The following CCSER1 variants were observed in gnomAD, a reference collection of about 807,000 sequenced individuals.
CCSER1 encodes coiled-coil serine rich protein 1, also known as serine-rich coiled-coil domain-containing protein 1.
CCSER1 carries 41 observed loss-of-function variants against 82.0 expected under a neutral mutation model. The observed-to-expected ratio is 0.50, with a 90% confidence interval of 0.39 to 0.65. The LOEUF is 0.65. Among genes scored for constraint, CCSER1 ranks in the 30% least tolerant of loss-of-function variants. The pLI, the probability that CCSER1 is intolerant of heterozygous loss-of-function variation, is 0.00. For synonymous variants in CCSER1, 414 were observed against 383.9 expected (o/e 1.08, Z -0.92); for missense variants, 1,119 against 1,064.2 (o/e 1.05, Z -0.72).
chr4:90,244,222 T>C (rs1434171227), intron 1 of CCSER1, among the ~76,000 whole-genome samples: 1 of 152,162 alleles, frequency 6.6e-6, no homozygotes, highest in African/African-American at 2.4e-5. Flanking sequence ...AATTATGAGA[T>C]AGAGTTTTGC....
At position 90,628,109 on chromosome 4, in the gene CCSER1, G is replaced by T. The variant is rs369689377; in HGVS notation, c.1809G>T (p.Ala603=). 2 of 1,613,590 alleles carry T rather than the reference G, an allele frequency of 1.2e-6. No individual in the cohort carries two copies. The highest frequency in any genetic ancestry group is 1.7e-6 in the Non-Finnish European group (2 of 1,179,718). The change falls in exon 6 of 11, where the codon GCG becomes GCT. Residue 603 remains alanine, a synonymous_variant. Transcript: ENST00000509176. ...GCCGAATGCCCAACAGTCCATCTGC[G>T]GATTGGCCTCTACAAGGTGTGGAAG... ...HISRMPNSPS[A]DWPLQGVEEN...
intron 10 of CCSER1, among the ~76,000 whole-genome samples, chr4:91,591,824 A>G (rs772172126): frequency 2.0e-5 from 3 of 152,180 alleles, no homozygotes; most frequent in Admixed American, 2.0e-4. Context: ...CAGCCATACA[A>G]TATCTCCCTT....
At chr4:91,150,479 C>T (rs939495234) in intron 10 of CCSER1, among the ~76,000 whole-genome samples, 1 of 152,154 alleles carries the variant, frequency 6.6e-6, no homozygotes, top group African/African-American at 2.4e-5. Context: ...ATTTCTTTCT[C>T]CTGCCTGATT....
chr4:90,753,114 T>A (rs1002642653), intron 7 of CCSER1, among the ~76,000 whole-genome samples: 2 of 152,182 alleles, frequency 1.3e-5, no homozygotes, highest in Non-Finnish European at 2.9e-5. Flanking sequence ...TTAGAACTTC[T>A]GGCTTATATA....
chr4:90,558,360 G>A (rs910581412), intron 5 of CCSER1, among the ~76,000 whole-genome samples: 14 of 152,096 alleles, frequency 9.2e-5, no homozygotes, highest in African/African-American at 3.1e-4. Context: ...AACATTTTAT[G>A]TTTCAAAATC....
At chr4:90,731,954 G>T (rs186122298) in intron 7 of CCSER1, among the ~76,000 whole-genome samples, 271 of 152,052 alleles carry the variant, frequency 1.8e-3, no homozygotes, top group African/African-American at 6.4e-3. Flanking sequence ...AGGCTCAGGT[G>T]AGGTAGACTC....
Position 90,798,617 on chromosome 4 carries a change from T to A in CCSER1, c.2011-17145T>A, listed in dbSNP as rs191489025. 5.3e-5 allele frequency among the ~76,000 whole-genome samples: 8 copies of A among 152,322 alleles called. No individual in the cohort carries two copies. The East Asian group carries it at 1.5e-3, about 29-fold the overall frequency. On this transcript the variant is annotated intron_variant, in intron 7 of 10. Transcript: ENST00000509176. ...TTCATCTTTGTGGGCTTATCTACCT[T>A]CAGTGTTTGATATTGCTGACATTTG...
At chr4:90,855,920 ACATT>A (rs1463076759) in intron 8 of CCSER1, among the ~76,000 whole-genome samples, 1 of 152,130 alleles carries the variant, frequency 6.6e-6, no homozygotes, top group Non-Finnish European at 1.5e-5. Context: ...TTCATTTCAC[ACATT>A]CATTCATTCA....
At chr4:90,549,241 A>G (rs1016047506) in intron 5 of CCSER1, among the ~76,000 whole-genome samples, 1 of 152,224 alleles carries the variant, frequency 6.6e-6, no homozygotes, top group African/African-American at 2.4e-5. Flanking sequence ...CCTGTATCAT[A>G]ATATGAGAAC....
Position 90,468,244 on chromosome 4 carries a change from G to A in CCSER1, c.1614G>A (p.Glu538=). ...EQSLHPSVCR[E]DSYHSVVSCA... ...GGTTTTTTTGAACAGTTTGCCGGGA[G>A]GACTCATATCACTCTGTCGTCTCAT... Residue 538 remains glutamate (E), a synonymous_variant, in exon 5 of 11, where the codon GAG becomes GAA. Coordinates refer to ENST00000509176, the MANE Select transcript of CCSER1 (RefSeq NM_001145065.2). 1 of 1,595,926 alleles carries A rather than the reference G, an allele frequency of 6.3e-7. No individual in the cohort carries two copies. The highest frequency in any genetic ancestry group is 1.2e-5 in the South Asian group (1 of 86,802).
chr4:91,004,095 G>A (rs909071402), intron 9 of CCSER1, among the ~76,000 whole-genome samples: 2 of 152,176 alleles, frequency 1.3e-5, no homozygotes, highest in Non-Finnish European at 2.9e-5. Context: ...TCCTACAGGA[G>A]CAATCCACTT....
chr4:90,200,621 G>C (rs911302192), intron 1 of CCSER1, among the ~76,000 whole-genome samples: 1 of 151,930 alleles, frequency 6.6e-6, no homozygotes, highest in Non-Finnish European at 1.5e-5. Flanking sequence ...ATTTTCAGTA[G>C]CCTAAAAAAT....
intron 9 of CCSER1, among the ~76,000 whole-genome samples, chr4:91,004,351 C>T (rs534167981): frequency 1.3e-5 from 2 of 152,152 alleles, no homozygotes; most frequent in Admixed American, 6.5e-5. Context: ...CCCAACTGGG[C>T]CCTCAGTTTA....
chr4:90,163,243 G>A (rs1729796446), intron 1 of CCSER1, among the ~76,000 whole-genome samples: 1 of 152,034 alleles, frequency 6.6e-6, no homozygotes, highest in South Asian at 2.1e-4. Context: ...ATATGACAGA[G>A]TGCTTTTAAT....
At chr4:90,641,721 T>C (rs2148987826) in intron 6 of CCSER1, among the ~76,000 whole-genome samples, 1 of 152,310 alleles carries the variant, frequency 6.6e-6, no homozygotes, top group East Asian at 1.9e-4. Flanking sequence ...TATACCCATA[T>C]GCCAGAGATT....
chr4:91,152,524 G>A (rs1342092109), intron 10 of CCSER1, among the ~76,000 whole-genome samples: 1 of 152,136 alleles, frequency 6.6e-6, no homozygotes, highest in Non-Finnish European at 1.5e-5. Flanking sequence ...TTACATTTAA[G>A]GTTAATATTG....
chr4:91,234,305 A>C (rs922745942), intron 10 of CCSER1, among the ~76,000 whole-genome samples: 1 of 152,012 alleles, frequency 6.6e-6, no homozygotes, highest in Non-Finnish European at 1.5e-5. Context: ...ATTTACTCTG[A>C]TTCTAATGTA....
At chr4:90,906,844 A>T (rs973584986) in intron 8 of CCSER1, among the ~76,000 whole-genome samples, 15 of 152,202 alleles carry the variant, frequency 9.9e-5, no homozygotes, top group African/African-American at 3.4e-4. Flanking sequence ...TTGTTGTATT[A>T]GTCAGTGCCA....
intron 10 of CCSER1, among the ~76,000 whole-genome samples, chr4:91,150,369 G>T (rs943157173): frequency 6.6e-6 from 1 of 152,200 alleles, no homozygotes; most frequent in African/African-American, 2.4e-5. Context: ...TCAGCTTAAA[G>T]AGACTTTGGG....
Sources: allele counts gnomAD v4.1 joint callset (sites outside exome capture counted in the v4.1 genomes callset), GRCh38; gene constraint gnomAD v4.1.1; transcripts MANE v1.5; gene names NCBI Gene and HGNC (gene_info 2026-07-23, HGNC 2026-07-21).